The following RABGAP1L variants were observed in gnomAD, a reference collection of about 807,000 sequenced individuals.
RABGAP1L encodes RAB GTPase activating protein 1 like, also known as rab GTPase-activating protein 1-like.
A neutral mutation model predicts 137.7 loss-of-function variants in RABGAP1L; 63 were observed. The observed-to-expected ratio is 0.46, with a 90% CI of 0.37 to 0.56. RABGAP1L has a LOEUF of 0.56. Ranked by LOEUF, RABGAP1L falls within the 20% of genes least tolerant of loss-of-function variation. The pLI, the probability that RABGAP1L is intolerant of heterozygous loss-of-function variation, is 0.00. For synonymous variants in RABGAP1L, 431 were observed against 433.7 expected, an observed-to-expected ratio of 0.99 and a Z score of 0.08; for missense variants, 1,095 against 1,244.0, an observed-to-expected ratio of 0.88 and a Z score of 1.80.
At chr1:174,609,795 A>G (rs1353310797) in intron 13 of RABGAP1L, among the ~76,000 whole-genome samples, 4 of 152,168 alleles carry the variant, frequency 2.6e-5, no homozygotes, top group East Asian at 1.9e-4. Context: ...ATTTTAAAAT[A>G]ATGCAGGGAT....
intron 13 of RABGAP1L, among the ~76,000 whole-genome samples, chr1:174,522,658 C>T (rs1046010392): frequency 2.0e-5 from 3 of 152,208 alleles, no homozygotes; most frequent in African/African-American, 7.2e-5. Context: ...GCTTACAGTT[C>T]TGCAGGCTGA....
intron 13 of RABGAP1L, among the ~76,000 whole-genome samples, chr1:174,510,765 A>G (rs2147801149): frequency 6.6e-6 from 1 of 152,274 alleles, no homozygotes; most frequent in Non-Finnish European, 1.5e-5. Context: ...GAACAACAAT[A>G]CTATGTTTTT....
At chr1:174,727,557 T>C (rs1682090186) in intron 17 of RABGAP1L, among the ~76,000 whole-genome samples, 1 of 152,160 alleles carries the variant, frequency 6.6e-6, no homozygotes, top group Non-Finnish European at 1.5e-5. Flanking sequence ...AGAGGATGAC[T>C]GAAAGGTATA....
chr1:174,784,348 A>G (rs1173721079), intron 18 of RABGAP1L, among the ~76,000 whole-genome samples: 1 of 151,992 alleles, frequency 6.6e-6, no homozygotes, highest in African/African-American at 2.4e-5. Context: ...TTGGATAACT[A>G]TAGATTTACC....
chr1:174,333,513 A>G (rs1428527244), intron 11 of RABGAP1L, among the ~76,000 whole-genome samples: 2 of 152,248 alleles, frequency 1.3e-5, no homozygotes, highest in African/African-American at 4.8e-5. Context: ...TGAAGAGCTC[A>G]GCAAGTCCAC....
intron 8 of RABGAP1L, chr1:174,275,285 G>T (rs12737218): frequency 1.3e-5 from 2 of 152,174 alleles, no homozygotes; most frequent in Middle Eastern, 6.8e-3. Flanking sequence ...TTGTAAGAAA[G>T]TATATAAATA....
chr1:174,383,763 G>T (rs1473338986), intron 12 of RABGAP1L, among the ~76,000 whole-genome samples: 1 of 152,176 alleles, frequency 6.6e-6, no homozygotes, highest in Non-Finnish European at 1.5e-5. Flanking sequence ...CGTCGCTCAT[G>T]CTGGGAGCTG....
chr1:174,636,143 G>A lies in RABGAP1L; in HGVS notation c.1711-1232G>A, dbSNP rs141628255. Among the ~76,000 whole-genome samples the A allele has an allele frequency of 1.7e-3, 258 of 152,226 alleles. 2 individuals carry two copies. The highest frequency in any genetic ancestry group is 5.9e-3 in the African/African-American group (243 of 41,534). On this transcript the variant is annotated intron_variant, in intron 13 of 25. Coordinates refer to ENST00000681986, the MANE Select transcript of RABGAP1L (RefSeq NM_001366446.1). ...TTCTAGGAATAAAATAAAATCAAGAGAATGTTTAATCATTTTTATAAGGCT... is the reference window on the plus strand; with the variant it reads ...TTCTAGGAATAAAATAAAATCAAGAAAATGTTTAATCATTTTTATAAGGCT...
At chr1:174,781,342 G>T (rs1686988913) in intron 18 of RABGAP1L, among the ~76,000 whole-genome samples, 1 of 152,130 alleles carries the variant, frequency 6.6e-6, no homozygotes, top group South Asian at 2.1e-4. Context: ...ATTTTTTCAT[G>T]TGTCTGTTGG....
At chr1:174,584,863 G>C (rs761948991) in intron 13 of RABGAP1L, among the ~76,000 whole-genome samples, 33 of 151,518 alleles carry the variant, frequency 2.2e-4, no homozygotes, top group Non-Finnish European at 3.8e-4. Flanking sequence ...CCCTCCTACA[G>C]AGAGAAAAGC....
intron 20 of RABGAP1L, among the ~76,000 whole-genome samples, chr1:174,966,172 G>A (rs1424878940): frequency 1.3e-5 from 2 of 152,150 alleles, no homozygotes; most frequent in Admixed American, 6.5e-5. Context: ...CTGAAAAACT[G>A]GTAGTGGCAA....
intron 12 of RABGAP1L, among the ~76,000 whole-genome samples, chr1:174,377,779 T>G (rs1558181423): frequency 6.6e-6 from 1 of 151,434 alleles, no homozygotes; most frequent in African/African-American, 2.4e-5. Flanking sequence ...TTTTTAAGAT[T>G]TTATTATTAT....
intron 13 of RABGAP1L, among the ~76,000 whole-genome samples, chr1:174,497,089 C>T (rs201953787): frequency 6.6e-6 from 1 of 152,136 alleles, no homozygotes; most frequent in African/African-American, 2.4e-5. Context: ...AAGGCATACC[C>T]AAGGGTAAAT....
intron 14 of RABGAP1L, among the ~76,000 whole-genome samples, chr1:174,681,025 A>G (rs1333353351): frequency 7.2e-5 from 11 of 152,214 alleles, no homozygotes; most frequent in Admixed American, 7.2e-4. Flanking sequence ...TGAAAGTCAA[A>G]ACTACAGGAA....
At chr1:174,332,466 G>A (rs1681114111) in intron 11 of RABGAP1L, among the ~76,000 whole-genome samples, 1 of 152,020 alleles carries the variant, frequency 6.6e-6, no homozygotes, top group South Asian at 2.1e-4. Flanking sequence ...GCATGATCTT[G>A]GCTGACTGCA....
At chr1:174,776,091 C>A (rs1007183720) in intron 18 of RABGAP1L, among the ~76,000 whole-genome samples, 1 of 152,108 alleles carries the variant, frequency 6.6e-6, no homozygotes, top group Non-Finnish European at 1.5e-5. Flanking sequence ...TGTTAGAGGC[C>A]AGGCGTGGTG....
intron 8 of RABGAP1L, among the ~76,000 whole-genome samples, chr1:174,273,170 C>A (rs1472810572): frequency 1.3e-5 from 2 of 151,942 alleles, no homozygotes; most frequent in Non-Finnish European, 2.9e-5. Context: ...TGATAATAAG[C>A]ACTATATGCT....
intron 19 of RABGAP1L, among the ~76,000 whole-genome samples, chr1:174,899,223 A>G (rs1222697966): frequency 6.6e-6 from 1 of 152,238 alleles, no homozygotes; most frequent in East Asian, 1.9e-4. Flanking sequence ...AAAACCGAGC[A>G]GACAAAAAAA....
At chr1:174,355,485 G>A (rs796982530) in intron 11 of RABGAP1L, among the ~76,000 whole-genome samples, 113 of 128,548 alleles carry the variant, frequency 8.8e-4, no homozygotes, top group African/African-American at 3.4e-3. Flanking sequence ...AGTGGGGAGG[G>A]ATAGCATTAG....
Sources: allele counts gnomAD v4.1 joint callset (sites outside exome capture counted in the v4.1 genomes callset), GRCh38; gene constraint gnomAD v4.1.1; transcripts MANE v1.5; gene names NCBI Gene and HGNC (gene_info 2026-07-23, HGNC 2026-07-21).